BASP1: variants seen among roughly 807,000 people sequenced by gnomAD.
The protein encoded by BASP1 is brain abundant membrane attached signal protein 1, also known as brain acid soluble protein 1.
A neutral mutation model predicts 2.2 loss-of-function variants in BASP1; 1 was observed. That is an observed-to-expected ratio of 0.46 (90% CI 0.16 to 2.17). BASP1 has a LOEUF of 2.17. Ranked by LOEUF, BASP1 falls within the 30% of genes most tolerant of loss-of-function variation. BASP1 has a pLI of 0.27. For missense variants in BASP1, 352 were observed against 327.2 expected (o/e 1.08, Z -0.58); for synonymous variants, 187 against 154.2 (o/e 1.21, Z -1.58).
chr5:17,267,666 A>G (rs138902472), intron 1 of BASP1, among the ~76,000 whole-genome samples: 30 of 151,736 alleles, frequency 2.0e-4, no homozygotes, highest in South Asian at 6.2e-4. Context: ...CTATAGACGC[A>G]CGCCACTGCA....
At chr5:17,255,058 C>A (rs1740179749) in intron 1 of BASP1, among the ~76,000 whole-genome samples, 1 of 152,178 alleles carries the variant, frequency 6.6e-6, no homozygotes, top group African/African-American at 2.4e-5. Flanking sequence ...GTTACATGAT[C>A]ATTTATTCTA....
chr5:17,269,892 G>A (rs1466760715), intron 1 of BASP1, among the ~76,000 whole-genome samples: 1 of 152,118 alleles, frequency 6.6e-6, no homozygotes, highest in Non-Finnish European at 1.5e-5. Flanking sequence ...TAAAAGAATT[G>A]GGATTCCTTT....
chr5:17,219,259 T>C (rs1195054998), intron 1 of BASP1, among the ~76,000 whole-genome samples: 3 of 152,028 alleles, frequency 2.0e-5, no homozygotes, highest in Admixed American at 6.5e-5. Flanking sequence ...CCCCATCCCA[T>C]CTCCATCATC....
intron 1 of BASP1, among the ~76,000 whole-genome samples, chr5:17,232,141 G>C (rs535915277): frequency 1.8e-4 from 27 of 152,320 alleles, no homozygotes; most frequent in African/African-American, 5.8e-4. Context: ...TCCCAAGGTA[G>C]AGTCCGAAAT....
intron 1 of BASP1, among the ~76,000 whole-genome samples, chr5:17,234,926 C>T (rs551073055): frequency 3.3e-5 from 5 of 152,198 alleles, no homozygotes; most frequent in African/African-American, 1.2e-4. Flanking sequence ...GTGAATATCA[C>T]TGTAGAGAAT....
intron 1 of BASP1, among the ~76,000 whole-genome samples, chr5:17,253,386 A>AT (rs976646760): frequency 6.6e-6 from 1 of 151,932 alleles, no homozygotes. Flanking sequence ...AATTCTTTGT[A>AT]TTTTTTGCAG....
In BASP1 at chr5:17,248,957, A is replaced by C. The variant is rs564084775; in HGVS notation, c.-9-26251A>C. Among the ~76,000 whole-genome samples the C allele has an allele frequency of 4.1e-4, 62 of 152,248 alleles. 3 individuals carry two copies. The South Asian group carries it at 0.013, about 31-fold the overall frequency. ...GCTCCATGTCATAGTAACCATCAAC[A>C]CACACTCCCATCCCCAATTAACTGT... On this transcript the variant is annotated intron_variant, in intron 1 of 1. Transcript: ENST00000322611.
upstream of BASP1, among the ~76,000 whole-genome samples, chr5:17,217,399 C>T (rs1299872521): frequency 1.6e-4 from 1 of 6,102 alleles, no homozygotes; most frequent in East Asian, 4.2e-3. Flanking sequence ...GGAGGGTCTG[C>T]GCCGGAGGAG....
At chr5:17,232,296 G>A (rs1327729812) in intron 1 of BASP1, among the ~76,000 whole-genome samples, 1 of 152,172 alleles carries the variant, frequency 6.6e-6, no homozygotes, top group Non-Finnish European at 1.5e-5. Flanking sequence ...AATGCTTTTG[G>A]TCTGCTTTGG....
At chr5:17,252,975 A>G (rs1374501746) in intron 1 of BASP1, among the ~76,000 whole-genome samples, 1 of 152,236 alleles carries the variant, frequency 6.6e-6, no homozygotes, top group Non-Finnish European at 1.5e-5. Context: ...CTTGCTGATA[A>G]TAGGTCAATG....
At chr5:17,230,828 A>G (rs1433512804) in intron 1 of BASP1, among the ~76,000 whole-genome samples, 5 of 152,110 alleles carry the variant, frequency 3.3e-5, no homozygotes, top group Non-Finnish European at 5.9e-5. Context: ...TTGGCCTCCC[A>G]AAGTGCTGGG....
intron 1 of BASP1, among the ~76,000 whole-genome samples, chr5:17,219,453 G>A (rs916865654): frequency 6.6e-6 from 1 of 152,188 alleles, no homozygotes; most frequent in South Asian, 2.1e-4. Context: ...GCCTTGATGA[G>A]GATGAAGGCA....
intron 1 of BASP1, among the ~76,000 whole-genome samples, chr5:17,262,578 T>C (rs912841512): frequency 2.0e-5 from 3 of 152,254 alleles, no homozygotes; most frequent in African/African-American, 7.2e-5. Context: ...AACAGTCTTA[T>C]GCTGAGTGTA....
At chr5:17,244,503 C>T (rs911719082) in intron 1 of BASP1, among the ~76,000 whole-genome samples, 3 of 152,048 alleles carry the variant, frequency 2.0e-5, no homozygotes, top group Admixed American at 1.3e-4. Context: ...TGGGAGTCAT[C>T]GTTTACAACT....
chr5:17,247,060 C>T (rs1740006023), intron 1 of BASP1, among the ~76,000 whole-genome samples: 1 of 152,102 alleles, frequency 6.6e-6, no homozygotes, highest in Non-Finnish European at 1.5e-5. Context: ...GGTGGTGCAC[C>T]TGTAGTCCCA....
intron 1 of BASP1, among the ~76,000 whole-genome samples, chr5:17,249,562 C>T (rs1740060893): frequency 6.6e-6 from 1 of 152,054 alleles, no homozygotes; most frequent in African/African-American, 2.4e-5. Context: ...TTAACCCTTC[C>T]TAAAATCACA....
In BASP1 at chr5:17,236,775, G is replaced by A. The variant is rs1353217770; in HGVS notation, c.-10+18965G>A. Among the ~76,000 whole-genome samples the A allele has an allele frequency of 6.6e-6, 1 of 152,120 alleles. No homozygotes were observed. The highest frequency in any genetic ancestry group is 1.5e-5 in the Non-Finnish European group (1 of 68,038). Reference sequence around the variant, plus strand: ...GAAAGCTGAGTGGTTCAAATATGGTGAGCAATGCACTCTTAACTAGACCCA... The same window carrying A: ...GAAAGCTGAGTGGTTCAAATATGGTAAGCAATGCACTCTTAACTAGACCCA... On this transcript the variant is annotated intron_variant, in intron 1 of 1. Coordinates refer to ENST00000322611, the MANE Select transcript of BASP1 (RefSeq NM_006317.5). The surrounding 1 kb of genome is among the most constrained non-coding windows in gnomAD (Gnocchi z 4.0).
At chr5:17,268,609 T>G (rs1352318150) in intron 1 of BASP1, among the ~76,000 whole-genome samples, 1 of 152,222 alleles carries the variant, frequency 6.6e-6, no homozygotes, top group Non-Finnish European at 1.5e-5. Flanking sequence ...CTGTGGATTC[T>G]GTGTACAAAA....
intron 1 of BASP1, among the ~76,000 whole-genome samples, chr5:17,270,262 AGT>A (rs1480256994): frequency 1.3e-5 from 2 of 152,142 alleles, no homozygotes; most frequent in African/African-American, 4.8e-5. Flanking sequence ...GGCCTCCCAA[AGT>A]GCTAGGATTA....
Sources: gnomAD v4.1 joint callset for allele counts (sites outside exome capture counted in the v4.1 genomes callset) on GRCh38, gnomAD v4.1.1 for gene constraint, Gnocchi (gnomAD v3.1) non-coding constraint, MANE v1.5 for transcripts, NCBI Gene and HGNC (gene_info 2026-07-23, HGNC 2026-07-21) for gene names.